KCNC3: variants seen among roughly 807,000 people sequenced by gnomAD.
KCNC3 encodes the protein potassium voltage-gated channel subfamily C member 3.
In KCNC3, 22 loss-of-function variants were observed where a neutral mutation model predicts 43.9. The observed-to-expected ratio is 0.50, with a 90% CI of 0.36 to 0.72. KCNC3 has a LOEUF of 0.72. KCNC3 is among the 30% of genes least tolerant of loss of function. The pLI, the probability that KCNC3 is intolerant of heterozygous loss-of-function variation, is 0.00. For missense variants in KCNC3, 829 were observed against 1,073.8 expected (o/e 0.77, Z 3.19); for synonymous variants, 492 against 488.0 (o/e 1.01, Z -0.11).
At chr19:50,321,133 G>A (rs1194903095) in intron 2 of KCNC3, among the ~76,000 whole-genome samples, 1 of 151,880 alleles carries the variant, frequency 6.6e-6, no homozygotes, top group Non-Finnish European at 1.5e-5. Flanking sequence ...CCAGGTGTGG[G>A]GTGCCAGGAA....
chr19:50,333,316 G>A (rs902983287), upstream of KCNC3, among the ~76,000 whole-genome samples: 4 of 152,314 alleles, frequency 2.6e-5, no homozygotes, highest in Admixed American at 1.3e-4. Flanking sequence ...CCGGAGGAGG[G>A]GCAGCACCGC....
At chr19:50,318,518 A>G (rs112401006) in intron 4 of KCNC3, among the ~76,000 whole-genome samples, 163 of 152,262 alleles carry the variant, frequency 1.1e-3, no homozygotes, top group African/African-American at 3.8e-3. Context: ...GAGCGGCTGG[A>G]AACTTTTCCT....
rs1486556843 is a variant in KCNC3 at position 50,320,250 on chromosome 19, G to T, written c.2270C>A (p.Pro757His). 3 of 932,470 alleles carry T rather than the reference G, an allele frequency of 3.2e-6. No homozygotes were observed. Among genetic ancestry groups the T allele is most frequent in the Non-Finnish European group, 2.9e-6 (2 of 688,156 alleles). 57.8% of individuals were successfully genotyped at this position (932,470 alleles called of 1,614,324 possible). A position where few individuals can be genotyped will look rare whatever the true frequency, so the allele number is the denominator to read the frequency against. ...CGGGGGGAGGGGGTTCGTCCACTAG[G>T]GGGATATCCAGGCCGCGGCGTTGGC... is the stretch of plus-strand genomic sequence containing the variant. ...LNANAAAWIS[P>H] Residue 757 changes from proline (P) to histidine (H), a missense_variant, in exon 4 of 5, where the codon CCC (proline) becomes CAC (histidine). Pro to His is a moderately conservative substitution (Grantham distance 77, BLOSUM62 -2). Around this residue, in one of 7 missense-constraint regions of KCNC3, gnomAD observed 308 missense variants for 276.2 expected, o/e 1.11. Transcript: ENST00000477616.
At position 50,313,240 on chromosome 19, in the gene KCNC3, G is replaced by C. The variant is rs1302955068; in HGVS notation, c.*2875C>G. The C allele has an allele frequency of 6.6e-6, 1 of 152,172 alleles. No homozygotes were observed. The highest frequency in any genetic ancestry group is 6.5e-5 in the Admixed American group (1 of 15,290). The allele number at this position is 152,172 out of a possible 1,614,324, so 9.4% of individuals were successfully genotyped here. On this transcript the variant is annotated 3_prime_UTR_variant, in exon 5 of 5. Coordinates refer to ENST00000477616, the MANE Select transcript of KCNC3 (RefSeq NM_004977.3). ...CTGGGGAAGGGGGGCTGGGATCCCAGCCGAGCTGGGTGTTGTCGGTTCCCA... is the reference window on the plus strand; with the variant it reads ...CTGGGGAAGGGGGGCTGGGATCCCACCCGAGCTGGGTGTTGTCGGTTCCCA...
chr19:50,320,693 CTT>C lies in KCNC3; in HGVS notation c.2068_2069del (p.Lys690GlufsTer12), dbSNP rs1159877224. On this transcript the variant is annotated frameshift_variant, in exon 3 of 5. Transcript: ENST00000477616. LOFTEE classifies it high-confidence loss of function. The part of the protein sequence containing the change: ...IDQPAMSPED[K>X]SPITPGSRGR... ...CACGGCTTCCAGGCGTGATGGGGCT[CTT>C]GTCTTCCGGGGACATGGCAGGCTGG... 3 of 1,613,770 alleles carry C rather than the reference CTT, an allele frequency of 1.9e-6. No homozygotes were observed. The highest frequency in any genetic ancestry group is 1.7e-5 in the Admixed American group (1 of 59,994).
intron 2 of KCNC3, among the ~76,000 whole-genome samples, chr19:50,322,598 A>C: frequency 6.6e-6 from 1 of 151,862 alleles, no homozygotes; most frequent in East Asian, 1.9e-4. Flanking sequence ...TGTCTCCCGG[A>C]TGCTCAGATG....
intron 1 of KCNC3, among the ~76,000 whole-genome samples, chr19:50,327,991 G>A (rs1300667513): frequency 6.6e-6 from 1 of 150,696 alleles, no homozygotes; most frequent in Non-Finnish European, 1.5e-5. Flanking sequence ...GGGTCTGGAA[G>A]AGCCCGAAGG....
chr19:50,320,296 T>C lies in KCNC3; in HGVS notation c.2224A>G (p.Ser742Gly), dbSNP rs781742486. 1.2e-6 allele frequency: 1 copy of C among 839,358 alleles called. No individual in the cohort carries two copies. Among genetic ancestry groups the C allele is most frequent in the Non-Finnish European group, 1.6e-6 (1 of 637,484 alleles). 52.0% of individuals were successfully genotyped at this position (839,358 alleles called of 1,614,324 possible). A position where few individuals can be genotyped will look rare whatever the true frequency, so the allele number is the denominator to read the frequency against. The change falls in exon 4 of 5, where the codon AGC becomes GGC. Residue 742 changes from serine to glycine, a missense_variant. Transcript: ENST00000477616. ...TTGGCGTTGAGGTCGGGCAAGAAGC[T>C]TGGGGGGCCTGGCTTACGCCAGTCT... ...PQDWRKPGPP[S>G]FLPDLNANAA...
upstream of KCNC3, chr19:50,329,762 A>C (rs1057212301): frequency 1.3e-5 from 2 of 152,684 alleles, no homozygotes; most frequent in Non-Finnish European, 2.9e-5. Context: ...GCTGGACTGA[A>C]AGAGGACACG....
rs11880719 is a variant in KCNC3 at position 50,324,586 on chromosome 19, G to T, written c.871-504C>A. ...CAGAATCGTGAGGTGGTTAAGAGTC[G>T]GCGAGCCTGGGCATGAATCTGGCTT... is the stretch of plus-strand genomic sequence containing the variant. On this transcript the variant is annotated intron_variant, in intron 1 of 4. Coordinates refer to ENST00000477616, the MANE Select transcript of KCNC3 (RefSeq NM_004977.3). This position sits in a 1 kb window ranked among gnomAD's most constrained non-coding sequence, Gnocchi z 4.1. Among the ~76,000 whole-genome samples the T allele has an allele frequency of 2.0e-5, 3 of 152,194 alleles. No individual in the cohort carries two copies. Among genetic ancestry groups the T allele is most frequent in the Non-Finnish European group, 4.4e-5 (3 of 68,030 alleles).
At position 50,324,219 on chromosome 19, in the gene KCNC3, C is replaced by T. The variant is rs1485900801; in HGVS notation, c.871-137G>A. 1.4e-6 allele frequency: 1 copy of T among 740,082 alleles called. No homozygotes were observed. The highest frequency in any genetic ancestry group is 2.2e-6 in the Non-Finnish European group (1 of 465,058). The allele number at this position is 740,082 out of a possible 1,614,324, so 45.8% of individuals were successfully genotyped here. On this transcript the variant is annotated intron_variant, in intron 1 of 4. Transcript: ENST00000477616. This position sits in a 1 kb window ranked among gnomAD's most constrained non-coding sequence, Gnocchi z 4.1. ...TCTGGGCAAAATCCAGGTGTCTCAG[C>T]CCTGTGGCTCCATCACTTCCAGAAT...
Position 50,329,077 on chromosome 19 carries a change from C to A in KCNC3, c.6G>T (p.Leu2=). 1.9e-6 allele frequency: 2 copies of A among 1,034,270 alleles called. No homozygotes were observed. The highest frequency in any genetic ancestry group is 1.2e-6 in the Non-Finnish European group (1 of 810,182). The allele number at this position is 1,034,270 out of a possible 1,614,324, so 64.1% of individuals were successfully genotyped here. A position where few individuals can be genotyped will look rare whatever the true frequency, so the allele number is the denominator to read the frequency against. ...GGAAGGACGAGACGCAGACTGAGCTCAGCATTGGACGGGGGGCGGGGCGGG... is the reference window on the plus strand; with the variant it reads ...GGAAGGACGAGACGCAGACTGAGCTAAGCATTGGACGGGGGGCGGGGCGGG... The part of the protein sequence containing the change: M[L]SSVCVSSFRG... Residue 2 remains leucine (L), a synonymous_variant, in exon 1 of 5, where the codon CTG becomes CTT. Coordinates refer to ENST00000477616, the MANE Select transcript of KCNC3 (RefSeq NM_004977.3).
At chr19:50,329,812 A>G (rs960204568), upstream of KCNC3, 3 of 152,300 alleles carry the variant, frequency 2.0e-5, no homozygotes, top group Admixed American at 6.5e-5. Context: ...AGGTGTTGAA[A>G]CTTGAGAGAG....
intron 4 of KCNC3, among the ~76,000 whole-genome samples, chr19:50,319,742 G>A (rs888694289): frequency 1.3e-5 from 2 of 152,010 alleles, no homozygotes; most frequent in African/African-American, 4.8e-5. Context: ...AGCTCCTGGG[G>A]GCATGGTTTT....
Position 50,320,299 on chromosome 19 carries a change from G to T in KCNC3, c.2221C>A (p.Pro741Thr). ...GCGTTGAGGTCGGGCAAGAAGCTTGGGGGGCCTGGCTTACGCCAGTCTTGG... is the reference window on the plus strand; with the variant it reads ...GCGTTGAGGTCGGGCAAGAAGCTTGTGGGGCCTGGCTTACGCCAGTCTTGG... Reference protein sequence around the residue: ...PPQDWRKPGPPSFLPDLNANA... With the variant: ...PPQDWRKPGPTSFLPDLNANA... Residue 741 changes from proline (P) to threonine (T), a missense_variant, in exon 4 of 5, where the codon CCA becomes ACA. Transcript: ENST00000477616. 1 of 948,464 alleles carries T rather than the reference G, an allele frequency of 1.1e-6. No individual in the cohort carries two copies. Among genetic ancestry groups the T allele is most frequent in the Non-Finnish European group, 1.4e-6 (1 of 707,292 alleles). The allele number at this position is 948,464 out of a possible 1,614,324, so 58.8% of individuals were successfully genotyped here.
chr19:50,332,160 T>G (rs2037196536), upstream of KCNC3, among the ~76,000 whole-genome samples: 1 of 152,012 alleles, frequency 6.6e-6, no homozygotes, highest in Admixed American at 6.6e-5. The surrounding 1 kb of genome is among the most constrained non-coding windows in gnomAD (Gnocchi z 5.8). Flanking sequence ...TGGGGCTGGA[T>G]GAGGCTCCTG....
At chr19:50,328,115 G>C (rs1054259640) in intron 1 of KCNC3, 98 bp downstream of exon 1, 54 of 932,166 alleles carry the variant, frequency 5.8e-5, no homozygotes, top group Non-Finnish European at 6.7e-5. Flanking sequence ...GAGAAGCCTA[G>C]AGGGACCCGG....
rs2037147556 is a variant in KCNC3, at chr19:50,329,056, G to A, written c.27C>T (p.Ser9=). The A allele has an allele frequency of 3.0e-6, 4 of 1,337,346 alleles. No individual in the cohort carries two copies. The highest frequency in any genetic ancestry group is 6.5e-5 in the East Asian group (2 of 30,550). 82.8% of individuals were successfully genotyped at this position (1,337,346 alleles called of 1,614,324 possible). A position where few individuals can be genotyped will look rare whatever the true frequency, so the allele number is the denominator to read the frequency against. MLSSVCVS[S]FRGRQGASKQ... ...TGCTGGCCCCCTGGCGCCCGCGGAA[G>A]GACGAGACGCAGACTGAGCTCAGCA... is the stretch of plus-strand genomic sequence containing the variant. The change falls in exon 1 of 5, where the codon TCC becomes TCT. Residue 9 remains serine, a synonymous_variant. Coordinates refer to ENST00000477616, the MANE Select transcript of KCNC3 (RefSeq NM_004977.3).
intron 4 of KCNC3, among the ~76,000 whole-genome samples, chr19:50,319,151 T>A (rs683856): frequency 1.3e-5 from 2 of 151,876 alleles, no homozygotes; most frequent in African/African-American, 2.4e-5. Flanking sequence ...TGATATTTGC[T>A]GAATGATTCG....
Sources: gnomAD v4.1 joint callset for allele counts (sites outside exome capture counted in the v4.1 genomes callset) on GRCh38, gnomAD v4.1.1 for gene constraint, gnomAD v4.1.1 regional missense constraint, Gnocchi (gnomAD v3.1) non-coding constraint, MANE v1.5 for transcripts, NCBI Gene and HGNC (gene_info 2026-07-23, HGNC 2026-07-21) for gene names.